LRP4: variants seen among roughly 807,000 people sequenced by gnomAD.
LRP4 encodes low-density lipoprotein receptor-related protein 4.
LRP4 carries 95 observed loss-of-function variants against 220.3 expected under a neutral mutation model. That is an observed-to-expected ratio of 0.43 (90% CI 0.37 to 0.51). The LOEUF is 0.51. Ranked by LOEUF, LRP4 falls within the 20% of genes least tolerant of loss-of-function variation. The pLI, the probability that LRP4 is intolerant of heterozygous loss-of-function variation, is 0.00. For missense variants in LRP4, 1,925 were observed against 2,567.0 expected, an observed-to-expected ratio of 0.75 and a Z score of 5.40; for synonymous variants, 903 against 954.6, an observed-to-expected ratio of 0.95 and a Z score of 1.00.
In LRP4 at chr11:46,899,791, G is replaced by GCTGCT. The variant is rs1333427970; in HGVS notation, c.430+67_430+71dup. On this transcript the variant is annotated intron_variant, in intron 4 of 37. Coordinates refer to ENST00000378623, the MANE Select transcript of LRP4 (RefSeq NM_002334.4). The surrounding 1 kb of genome is among the most constrained non-coding windows in gnomAD (Gnocchi z 5.9). Reference sequence around the variant, plus strand: ...GAGGTTTGGCAGTGCTAGGGCCATTGCTGCTATCTTCTCCCATGGCCAGGC... The same window carrying GCTGCT: ...GAGGTTTGGCAGTGCTAGGGCCATTGCTGCTCTGCTATCTTCTCCCATGGCCAGGC... 8.0e-7 allele frequency: 1 copy of GCTGCT among 1,244,058 alleles called. No homozygotes were observed. Among genetic ancestry groups the GCTGCT allele is most frequent in the Non-Finnish European group, 1.2e-6 (1 of 848,494 alleles). The allele number at this position is 1,244,058 out of a possible 1,614,324, so 77.1% of individuals were successfully genotyped here. A position where few individuals can be genotyped will look rare whatever the true frequency, so the allele number is the denominator to read the frequency against.
rs186621555 is a variant in LRP4, at chr11:46,872,470, G to C, written c.4583+630C>G. ...GTACATTCCGGAGCCTGGGTCGGGCGTGGTGGCTCATGCCTGAAATCCCAG... is the reference window on the plus strand; with the variant it reads ...GTACATTCCGGAGCCTGGGTCGGGCCTGGTGGCTCATGCCTGAAATCCCAG... On this transcript the variant is annotated intron_variant, in intron 30 of 37. Transcript: ENST00000378623. 2.8e-3 allele frequency among the ~76,000 whole-genome samples: 420 copies of C among 151,952 alleles called. 2 individuals carry two copies. Among genetic ancestry groups the C allele is most frequent in the African/African-American group, 9.6e-3 (398 of 41,454 alleles).
Position 46,886,313 on chromosome 11 carries a change from G to T in LRP4, c.2424+12C>A. 1 of 1,585,852 alleles carries T rather than the reference G, an allele frequency of 6.3e-7. No individual in the cohort carries two copies. The highest frequency in any genetic ancestry group is 8.6e-7 in the Non-Finnish European group (1 of 1,164,870). ...GGATTCCACCCTTCAACCTCCCCAC[G>T]CTGGGCCCTACCTCCTGTCCTGTTC... On this transcript the variant is annotated intron_variant, in intron 17 of 37. Coordinates refer to ENST00000378623, the MANE Select transcript of LRP4 (RefSeq NM_002334.4).
In LRP4 at chr11:46,918,350, A is replaced by C; in HGVS notation, c.30T>G (p.Leu10=). The C allele has an allele frequency of 6.7e-7, 1 of 1,486,064 alleles. No individual in the cohort carries two copies. Among genetic ancestry groups the C allele is most frequent in the Non-Finnish European group, 8.9e-7 (1 of 1,123,674 alleles). 92.1% of individuals were successfully genotyped at this position (1,486,064 alleles called of 1,614,324 possible). The change falls in exon 1 of 38, where the codon CTT becomes CTG. Residue 10 remains leucine (L), a synonymous_variant. Coordinates refer to ENST00000378623, the MANE Select transcript of LRP4 (RefSeq NM_002334.4). This position sits in a 1 kb window ranked among gnomAD's most constrained non-coding sequence, Gnocchi z 6.0. ...TACCGTGTGCGCAGAGCAGGGCGCCAAGCAGCAGCGCGCCCCACTGCCGCC... is the reference window on the plus strand; with the variant it reads ...TACCGTGTGCGCAGAGCAGGGCGCCCAGCAGCAGCGCGCCCCACTGCCGCC... The part of the protein sequence containing the change: MRRQWGALL[L]GALLCAHGLA...
At chr11:46,878,849 G>T in intron 22 of LRP4, 58 bp downstream of exon 22, 1 of 1,611,058 alleles carries the variant, frequency 6.2e-7, no homozygotes, top group South Asian at 1.1e-5. Context: ...AAGGAAGGAA[G>T]AGAGCCATTG....
At chr11:46,910,769 G>A (rs35959877) in intron 1 of LRP4, among the ~76,000 whole-genome samples, 5,445 of 141,442 alleles carry the variant, frequency 0.038, 155 homozygotes, top group Non-Finnish European at 0.058. Context: ...CATCTCCCGG[G>A]TTCAAGCGAT....
chr11:46,867,490 C>T (rs1226972146), intron 34 of LRP4, among the ~76,000 whole-genome samples: 1 of 152,118 alleles, frequency 6.6e-6, no homozygotes, highest in Non-Finnish European at 1.5e-5. Context: ...GATGGAGTTT[C>T]GCTCTTTGTT....
At chr11:46,865,048 T>C (rs191120328) in intron 35 of LRP4, 71 bp downstream of exon 35, 4 of 1,313,772 alleles carry the variant, frequency 3.0e-6, no homozygotes, top group Middle Eastern at 1.8e-4. Flanking sequence ...ATGAAGGTTA[T>C]GAAAGATATC....
intron 15 of LRP4, 36 bp from the exon 16 acceptor site, chr11:46,889,569 G>A: frequency 6.2e-7 from 1 of 1,610,984 alleles, no homozygotes. Flanking sequence ...GATCAGCGAA[G>A]GTCTGCAAAA....
chr11:46,896,174 A>T (rs1941526446), intron 9 of LRP4, 36 bp downstream of exon 9: 1 of 1,612,244 alleles, frequency 6.2e-7, no homozygotes. Flanking sequence ...TTCGGCCACA[A>T]ACCATGGGCC....
rs576719115 is a variant in LRP4, at chr11:46,861,523, C to CTTTTTTTTTTTTT, written c.5385+1070_5385+1082dup. ...AGTTAGTTTCCTTGTGGAAATGGGA[C>CTTTTTTTTTTTTT]TTTTTTTTTTTTTTTTTTTTTTGAG... On this transcript the variant is annotated intron_variant, in intron 37 of 37. Transcript: ENST00000378623. Among the ~76,000 whole-genome samples the CTTTTTTTTTTTTT allele has an allele frequency of 3.8e-4, 32 of 83,488 alleles. 5 individuals are homozygous for CTTTTTTTTTTTTT. Among genetic ancestry groups the CTTTTTTTTTTTTT allele is most frequent in the Non-Finnish European group, 4.7e-4 (22 of 47,100 alleles). The allele number at this position is 83,488 out of a possible 152,430, so 54.8% of individuals were successfully genotyped here. A position where few individuals can be genotyped will look rare whatever the true frequency, so the allele number is the denominator to read the frequency against.
chr11:46,917,462 A>T (rs1941963897), intron 1 of LRP4, among the ~76,000 whole-genome samples: 1 of 152,154 alleles, frequency 6.6e-6, no homozygotes, highest in Admixed American at 6.5e-5. Context: ...TCGGAGCCCT[A>T]GTCCCACACA....
chr11:46,875,700 G>A lies in LRP4; in HGVS notation c.3700-19C>T. ...CAATTCGCTGCAGAGGAAGGAGAGG[G>A]TGGGGGGTGGTGATCAGCAGATTGG... is the stretch of plus-strand genomic sequence containing the variant. On this transcript the variant is annotated intron_variant, in intron 26 of 37. Transcript: ENST00000378623. The surrounding 1 kb of genome is among the most constrained non-coding windows in gnomAD (Gnocchi z 4.5). 1 of 1,612,760 alleles carries A rather than the reference G, an allele frequency of 6.2e-7. No individual in the cohort carries two copies. Among genetic ancestry groups the A allele is most frequent in the South Asian group, 1.1e-5 (1 of 91,036 alleles).
intron 12 of LRP4, 114 bp downstream of exon 12, chr11:46,894,475 T>C (rs1235195132): frequency 2.5e-6 from 2 of 792,774 alleles, no homozygotes; most frequent in Non-Finnish European, 4.3e-6. Flanking sequence ...AAGATTTCCC[T>C]GGAAGAAAAA....
intron 37 of LRP4, among the ~76,000 whole-genome samples, chr11:46,860,735 T>A (rs1451099477): frequency 6.6e-6 from 1 of 151,974 alleles, no homozygotes; most frequent in Non-Finnish European, 1.5e-5. Flanking sequence ...CCATGCAGAG[T>A]GGGACATAGC....
intron 31 of LRP4, 114 bp from the exon 32 acceptor site, chr11:46,869,246 A>G (rs1449634241): frequency 8.3e-6 from 8 of 964,348 alleles, no homozygotes; most frequent in Non-Finnish European, 1.3e-5. Context: ...TGCCCTCTTC[A>G]TCTCTTCCTC....
Position 46,873,650 on chromosome 11 carries a change from C to T in LRP4, c.4230-57G>A. ...CAGACTGACCCAGAATAGAGTAGAA[C>T]TTTAACCCATGTTCCCATAACTGGA... On this transcript the variant is annotated intron_variant, in intron 28 of 37. Transcript: ENST00000378623. The surrounding 1 kb of genome is among the most constrained non-coding windows in gnomAD (Gnocchi z 4.2). The T allele has an allele frequency of 6.9e-7, 1 of 1,442,326 alleles. No homozygotes were observed. 89.3% of individuals were successfully genotyped at this position (1,442,326 alleles called of 1,614,324 possible). A position where few individuals can be genotyped will look rare whatever the true frequency, so the allele number is the denominator to read the frequency against.
rs1438902060 is a variant in LRP4 at position 46,857,332 on chromosome 11, G to A, written c.*1651C>T. On this transcript the variant is annotated 3_prime_UTR_variant, in exon 38 of 38. Coordinates refer to ENST00000378623, the MANE Select transcript of LRP4 (RefSeq NM_002334.4). ...AACTGACTAGAAAAGAATTGATCTT[G>A]TCCTTTTTCACTTTGGTAGCTGATT... 1 of 152,192 alleles carries A rather than the reference G, an allele frequency of 6.6e-6. No homozygotes were observed. Among genetic ancestry groups the A allele is most frequent in the African/African-American group, 2.4e-5 (1 of 41,432 alleles). The allele number at this position is 152,192 out of a possible 1,614,324, so 9.4% of individuals were successfully genotyped here.
intron 1 of LRP4, among the ~76,000 whole-genome samples, chr11:46,912,041 A>G (rs1435336551): frequency 2.0e-5 from 3 of 152,104 alleles, no homozygotes; most frequent in Non-Finnish European, 4.4e-5. Flanking sequence ...TTTAGTAGAC[A>G]TGGGGTTTCA....
At position 46,873,258 on chromosome 11, in the gene LRP4, C is replaced by A; in HGVS notation, c.4449-24G>T. Reference sequence around the variant, plus strand: ...ACCTGAGACACAACAGTGCCATCATCATCAAGGCATGGGAAGACAGCACCC... The same window carrying A: ...ACCTGAGACACAACAGTGCCATCATAATCAAGGCATGGGAAGACAGCACCC... On this transcript the variant is annotated intron_variant, in intron 29 of 37. Coordinates refer to ENST00000378623, the MANE Select transcript of LRP4 (RefSeq NM_002334.4). The surrounding 1 kb of genome is among the most constrained non-coding windows in gnomAD (Gnocchi z 4.2). 1.9e-6 allele frequency: 3 copies of A among 1,614,166 alleles called. No homozygotes were observed. The highest frequency in any genetic ancestry group is 2.5e-6 in the Non-Finnish European group (3 of 1,180,018).
Sources: gnomAD v4.1 joint callset for allele counts (sites outside exome capture counted in the v4.1 genomes callset) on GRCh38, gnomAD v4.1.1 for gene constraint, Gnocchi (gnomAD v3.1) non-coding constraint, MANE v1.5 for transcripts, NCBI Gene and HGNC (gene_info 2026-07-23, HGNC 2026-07-21) for gene names.